WDR35: variants seen among roughly 807,000 people sequenced by gnomAD.
WDR35 encodes the protein WD repeat domain 35, also known as WD repeat-containing protein 35.
Under a neutral mutation model 158.3 loss-of-function variants are expected in WDR35, and 118 were observed. The ratio of observed to expected loss-of-function variants is 0.75; its 90% CI spans 0.64 to 0.87. The LOEUF is 0.87. Ranked by LOEUF, WDR35 falls within the 40% of genes least tolerant of loss-of-function variation. The pLI, the probability that WDR35 is intolerant of heterozygous loss-of-function variation, is 0.00. For synonymous variants in WDR35, 448 were observed against 476.1 expected, an observed-to-expected ratio of 0.94 and a Z score of 0.77; for missense variants, 1,263 against 1,405.8, an observed-to-expected ratio of 0.90 and a Z score of 1.62.
chr2:19,922,535 CAG>C lies in WDR35; in HGVS notation c.3121+7859_3121+7860del. Among the ~76,000 whole-genome samples the C allele has an allele frequency of 2.2e-5, 3 of 137,644 alleles. No individual in the cohort carries two copies. In the Middle Eastern group the frequency reaches 0.012, roughly 534 times the overall value. The allele number at this position is 137,644 out of a possible 152,430, so 90.3% of individuals were successfully genotyped here. A position where few individuals can be genotyped will look rare whatever the true frequency, so the allele number is the denominator to read the frequency against. Reference sequence around the variant, plus strand: ...GTCGAACAATGAGAACACATGGACACAGGGGCAGGAGATCACACACCGGGGCC... The same window carrying C: ...GTCGAACAATGAGAACACATGGACACGGGCAGGAGATCACACACCGGGGCC... On this transcript the variant is annotated intron_variant, in intron 25 of 26. Transcript: ENST00000281405.
At chr2:19,943,214 C>T (rs1460128688) in intron 16 of WDR35, among the ~76,000 whole-genome samples, 2 of 152,070 alleles carry the variant, frequency 1.3e-5, no homozygotes, top group South Asian at 2.1e-4. Flanking sequence ...GCAGAACTGA[C>T]ACCTCTCTTA....
Position 19,937,754 on chromosome 2 carries a change from C to A in WDR35, c.2256G>T (p.Glu752Asp). 1.9e-6 allele frequency: 3 copies of A among 1,614,130 alleles called. No individual in the cohort carries two copies. In the South Asian group the frequency reaches 3.3e-5, roughly 18 times the overall value. Residue 752 changes from glutamate to aspartate, a missense_variant, in exon 19 of 27, where the codon GAG (glutamate) becomes GAT (aspartate). Transcript: ENST00000281405. ...CCTTCATAACTTACCTTCTGTCCATCTCGAGATACGTTCTTTCAGCCTCTT... is the reference window on the plus strand; with the variant it reads ...CCTTCATAACTTACCTTCTGTCCATATCGAGATACGTTCTTTCAGCCTCTT... Reference protein sequence around the residue: ...RFEEAERTYLEMDRRDLAIGL... With the variant: ...RFEEAERTYLDMDRRDLAIGL...
chr2:19,936,137 C>G (rs1204280960), intron 20 of WDR35, 82 bp downstream of exon 20: 7 of 1,587,960 alleles, frequency 4.4e-6, no homozygotes, highest in Non-Finnish European at 6.0e-6. Context: ...CTTCATTTCC[C>G]CAGGATTACT....
chr2:19,951,523 T>C, intron 12 of WDR35, 39 bp from the exon 13 acceptor site: 2 of 1,459,762 alleles, frequency 1.4e-6, no homozygotes, highest in Non-Finnish European at 1.9e-6. Flanking sequence ...AGTTTAAGTA[T>C]AGTTTATACT....
At chr2:19,916,861 C>A (rs765204636) in intron 25 of WDR35, among the ~76,000 whole-genome samples, 25 of 152,236 alleles carry the variant, frequency 1.6e-4, no homozygotes, top group Non-Finnish European at 3.7e-4. Flanking sequence ...TCAACCAGCA[C>A]AGTGTTCAAG....
At chr2:19,959,040 A>C (rs1671545158) in intron 11 of WDR35, among the ~76,000 whole-genome samples, 1 of 152,102 alleles carries the variant, frequency 6.6e-6, no homozygotes, top group African/African-American at 2.4e-5. Context: ...AGAAACTTTA[A>C]AAAAGAAATT....
At chr2:19,950,741 T>A (rs1413197143) in intron 13 of WDR35, among the ~76,000 whole-genome samples, 1 of 152,196 alleles carries the variant, frequency 6.6e-6, no homozygotes, top group Non-Finnish European at 1.5e-5. Flanking sequence ...AGTAGATACA[T>A]CACTAGATCT....
intron 10 of WDR35, among the ~76,000 whole-genome samples, chr2:19,965,087 C>A (rs531787864): frequency 1.3e-5 from 2 of 152,008 alleles, no homozygotes; most frequent in African/African-American, 4.8e-5. Flanking sequence ...CCATGCCCAG[C>A]TAATTTTGTA....
Position 19,978,882 on chromosome 2 carries a change from G to A in WDR35, c.308-3C>T. 1.2e-6 allele frequency: 2 copies of A among 1,613,392 alleles called. No individual in the cohort carries two copies. Among genetic ancestry groups the A allele is most frequent in the Non-Finnish European group, 1.7e-6 (2 of 1,179,706 alleles). On this transcript the variant is annotated splice_polypyrimidine_tract_variant and splice_region_variant and intron_variant, in intron 4 of 26. Coordinates refer to ENST00000281405, the MANE Select transcript of WDR35 (RefSeq NM_020779.4). ...GATCATCTCCTCAATCCAAGAGCCT[G>A]TTTTCACAAATTTAAAAAATTACAA...
intron 10 of WDR35, among the ~76,000 whole-genome samples, chr2:19,962,038 A>C (rs367604318): frequency 3.3e-5 from 5 of 152,242 alleles, no homozygotes; most frequent in Non-Finnish European, 7.3e-5. Flanking sequence ...GACTGCATTG[A>C]CATGGTTAAA....
chr2:19,914,539 C>A (rs1238186290), intron 25 of WDR35, among the ~76,000 whole-genome samples: 1 of 152,198 alleles, frequency 6.6e-6, no homozygotes, highest in African/African-American at 2.4e-5. Flanking sequence ...GAAATACACA[C>A]ACACACACAA....
chr2:19,960,585 A>G lies in WDR35; in HGVS notation c.1224T>C (p.Gly408=). Residue 408 remains glycine (G), a synonymous_variant, in exon 11 of 27, where the codon GGT becomes GGC. Coordinates refer to ENST00000281405, the MANE Select transcript of WDR35 (RefSeq NM_020779.4). ...QFVLVLCNSI[G]TPLDPKYIDI... is the part of the protein sequence containing the mutation. The stretch of plus-strand genomic sequence containing the variant: ...CAATGTATTTGGGATCCAAGGGTGT[A>G]CCAATAGAATTACAAAGAACTAGTA... The G allele has an allele frequency of 6.2e-7, 1 of 1,609,478 alleles. No homozygotes were observed. The highest frequency in any genetic ancestry group is 8.5e-7 in the Non-Finnish European group (1 of 1,176,736).
At chr2:19,976,177 T>TCC (rs1338323875) in intron 5 of WDR35, among the ~76,000 whole-genome samples, 1 of 152,182 alleles carries the variant, frequency 6.6e-6, no homozygotes, top group African/African-American at 2.4e-5. Flanking sequence ...AACTCTTCAC[T>TCC]CCAGGGCCTT....
intron 8 of WDR35, among the ~76,000 whole-genome samples, chr2:19,971,488 G>A (rs1208473174): frequency 6.6e-6 from 1 of 152,122 alleles, no homozygotes; most frequent in African/African-American, 2.4e-5. Flanking sequence ...CCAGATGTCA[G>A]TAGCTCAATA....
chr2:19,917,776 A>C (rs1259898415), intron 25 of WDR35, among the ~76,000 whole-genome samples: 1 of 152,252 alleles, frequency 6.6e-6, no homozygotes, highest in Non-Finnish European at 1.5e-5. Flanking sequence ...TGATTGGTGT[A>C]CCTGAAAGTG....
intron 21 of WDR35, chr2:19,935,184 A>C (rs145158091): frequency 5.3e-6 from 1 of 190,220 alleles, no homozygotes; most frequent in Non-Finnish European, 1.1e-5. Context: ...TAAATATTTC[A>C]TGTATTCAGC....
chr2:19,948,131 A>G (rs909804301), intron 14 of WDR35, 33 bp downstream of exon 14: 18 of 1,531,302 alleles, frequency 1.2e-5, no homozygotes, highest in Non-Finnish European at 1.6e-5. Context: ...TTAAAGAATT[A>G]TTATTCATAA....
intron 17 of WDR35, among the ~76,000 whole-genome samples, chr2:19,940,635 C>T (rs186305883): frequency 6.4e-4 from 98 of 152,238 alleles, no homozygotes; most frequent in African/African-American, 2.1e-3. Flanking sequence ...CTCCCTCTTC[C>T]CCTCTGCCTC....
intron 19 of WDR35, among the ~76,000 whole-genome samples, chr2:19,936,921 A>C (rs772791065): frequency 3.3e-4 from 50 of 152,226 alleles, no homozygotes; most frequent in Non-Finnish European, 5.4e-4. Flanking sequence ...CAGGGAAAAG[A>C]ATGTTGTGCC....
Sources: gnomAD v4.1 joint callset for allele counts (sites outside exome capture counted in the v4.1 genomes callset) on GRCh38, gnomAD v4.1.1 for gene constraint, MANE v1.5 for transcripts, NCBI Gene and HGNC (gene_info 2026-07-23, HGNC 2026-07-21) for gene names.